Variants in CCDC7 observed in about 807,000 individuals in gnomAD.
The protein encoded by CCDC7 is coiled-coil domain containing 7.
CCDC7 carries 183 observed loss-of-function variants against 196.9 expected under a neutral mutation model. That is an observed-to-expected ratio of 0.93 (90% CI 0.82 to 1.05). CCDC7 has a LOEUF of 1.05. Among genes scored for constraint, CCDC7 ranks in the 50% least tolerant of loss-of-function variants. The probability of loss-of-function intolerance (pLI) is 0.00; values close to 1 mark genes in which losing one functional copy is unlikely to be tolerated. For missense variants in CCDC7, 1,540 were observed against 1,482.2 expected, an observed-to-expected ratio of 1.04 and a Z score of -0.64; for synonymous variants, 525 against 484.6, an observed-to-expected ratio of 1.08 and a Z score of -1.10.
At chr10:32,828,344 A>G (rs998924631) in intron 32 of CCDC7, among the ~76,000 whole-genome samples, 5 of 151,786 alleles carry the variant, frequency 3.3e-5, no homozygotes, top group Admixed American at 3.3e-4. Flanking sequence ...TCCCTGGGCC[A>G]TGGTCATTCA....
chr10:32,744,783 C>G (rs2074431437), intron 28 of CCDC7, among the ~76,000 whole-genome samples: 2 of 152,118 alleles, frequency 1.3e-5, no homozygotes. Context: ...TCATTCTTTT[C>G]ACAGTGTCTT....
intron 24 of CCDC7, among the ~76,000 whole-genome samples, chr10:32,709,652 T>C (rs1310007497): frequency 6.6e-6 from 1 of 152,104 alleles, no homozygotes; most frequent in Non-Finnish European, 1.5e-5. Context: ...GAATCTTCGC[T>C]CACTCACCCA....
At chr10:32,491,993 G>A (rs181998428) in exon 9 of CCDC7, 8 of 1,562,712 alleles carry the variant, frequency 5.1e-6, no homozygotes, top group East Asian at 2.3e-5. Context: ...AAATATGTTG[G>A]AGAGGTAAGC....
chr10:32,830,081 T>C (rs2091934039), intron 32 of CCDC7, among the ~76,000 whole-genome samples: 1 of 135,616 alleles, frequency 7.4e-6, no homozygotes. Flanking sequence ...AGTTAATACT[T>C]AATAAATATA....
intron 13 of CCDC7, among the ~76,000 whole-genome samples, chr10:32,562,574 A>G (rs184957550): frequency 6.8e-4 from 104 of 152,382 alleles, no homozygotes; most frequent in African/African-American, 2.2e-3. Context: ...CAATAGATGC[A>G]GGAAAGGCCT....
At chr10:32,793,934 G>A (rs534867122) in intron 29 of CCDC7, among the ~76,000 whole-genome samples, 1 of 152,322 alleles carries the variant, frequency 6.6e-6, no homozygotes, top group South Asian at 2.1e-4. Context: ...GTTTGGTCTA[G>A]TATGTAGTTT....
At chr10:32,804,950 C>G in intron 29 of CCDC7, 65 bp from the exon 31 acceptor site, 1 of 927,204 alleles carries the variant, frequency 1.1e-6, no homozygotes, top group South Asian at 1.4e-5. Flanking sequence ...CACACACACA[C>G]ACCCCTCACA....
At chr10:32,692,785 C>T (rs1451560854) in intron 23 of CCDC7, among the ~76,000 whole-genome samples, 1 of 152,144 alleles carries the variant, frequency 6.6e-6, no homozygotes, top group Non-Finnish European at 1.5e-5. Flanking sequence ...TACCAGTGTC[C>T]CATTTTACCC....
intron 29 of CCDC7, among the ~76,000 whole-genome samples, chr10:32,797,948 G>A (rs2083956008): frequency 1.3e-5 from 2 of 152,184 alleles, no homozygotes; most frequent in Non-Finnish European, 2.9e-5. Flanking sequence ...GCTTCAGGAT[G>A]ATAGGGAACA....
intron 11 of CCDC7, among the ~76,000 whole-genome samples, chr10:32,534,973 C>T (rs866645125): frequency 3.3e-5 from 5 of 149,858 alleles, no homozygotes; most frequent in Non-Finnish European, 7.4e-5. Flanking sequence ...TTGACCCCCT[C>T]ATTCTCACTT....
At chr10:32,687,543 T>G (rs2076599701) in intron 22 of CCDC7, among the ~76,000 whole-genome samples, 2 of 152,214 alleles carry the variant, frequency 1.3e-5, no homozygotes, top group African/African-American at 4.8e-5. Flanking sequence ...TTTTGGTGGC[T>G]TCAGACCTCA....
At chr10:32,792,093 A>C (rs2082793294) in intron 29 of CCDC7, among the ~76,000 whole-genome samples, 2 of 152,228 alleles carry the variant, frequency 1.3e-5, no homozygotes, top group Admixed American at 6.5e-5. Flanking sequence ...CAAGAATACT[A>C]TACCCATCAA....
intron 30 of CCDC7, among the ~76,000 whole-genome samples, chr10:32,813,649 C>A (rs1401152084): frequency 6.6e-6 from 1 of 152,146 alleles, no homozygotes; most frequent in African/African-American, 2.4e-5. Context: ...TACATACCTA[C>A]AGGTTGGGTA....
chr10:32,818,000 A>G (rs1451110681), intron 31 of CCDC7, among the ~76,000 whole-genome samples: 1 of 152,208 alleles, frequency 6.6e-6, no homozygotes, highest in East Asian at 1.9e-4. Flanking sequence ...TTAACCTTAA[A>G]TGTAAATAGG....
At chr10:32,544,206 T>G in intron 12 of CCDC7, 41 bp from the exon 14 acceptor site, 3 of 1,546,452 alleles carry the variant, frequency 1.9e-6, no homozygotes, top group Non-Finnish European at 2.6e-6. Context: ...GTGATGCATT[T>G]AAAAATATCA....
At chr10:32,708,579 A>G (rs1056617873) in intron 24 of CCDC7, among the ~76,000 whole-genome samples, 1 of 152,248 alleles carries the variant, frequency 6.6e-6, no homozygotes, top group African/African-American at 2.4e-5. Flanking sequence ...CCATGTGACA[A>G]AGGGCTAATG....
intron 13 of CCDC7, among the ~76,000 whole-genome samples, chr10:32,563,295 A>C (rs1237910792): frequency 6.6e-6 from 1 of 152,178 alleles, no homozygotes; most frequent in Non-Finnish European, 1.5e-5. Context: ...ATTGGAAAAA[A>C]CTACTTTAAA....
chr10:32,614,005 G>T (rs931929973), intron 18 of CCDC7, among the ~76,000 whole-genome samples: 4 of 152,124 alleles, frequency 2.6e-5, no homozygotes, highest in African/African-American at 9.7e-5. Flanking sequence ...TGACAGTAGG[G>T]TGTTAACGTC....
At chr10:32,626,661 T>A (rs2064092736) in intron 18 of CCDC7, among the ~76,000 whole-genome samples, 2 of 152,042 alleles carry the variant, frequency 1.3e-5, no homozygotes, top group Non-Finnish European at 2.9e-5. Flanking sequence ...GCTTTTACTT[T>A]TGTTTTCTTC....
Sources: allele counts gnomAD v4.1 joint callset (sites outside exome capture counted in the v4.1 genomes callset), GRCh38; gene constraint gnomAD v4.1.1; transcripts MANE v1.5; gene names NCBI Gene and HGNC (gene_info 2026-07-23, HGNC 2026-07-21).